The following ANKRD18B variants were observed in gnomAD, a reference collection of about 807,000 sequenced individuals.
The protein encoded by ANKRD18B is ankyrin repeat domain-containing protein 18B.
In ANKRD18B, 75 loss-of-function variants were observed where a neutral mutation model predicts 111.8. That is an observed-to-expected ratio of 0.67 (90% CI 0.56 to 0.81). ANKRD18B has a LOEUF of 0.81. Among genes scored for constraint, ANKRD18B ranks in the 40% least tolerant of loss-of-function variants. The probability of loss-of-function intolerance (pLI) is 0.00; values close to 1 mark genes in which losing one functional copy is unlikely to be tolerated. For missense variants in ANKRD18B, 1,038 were observed against 1,225.5 expected (o/e 0.85, Z 2.28); for synonymous variants, 356 against 417.3 (o/e 0.85, Z 1.79).
Position 33,566,198 on chromosome 9 carries a change from T to C in ANKRD18B, c.2461-21T>C, listed in dbSNP as rs1215348819. On this transcript the variant is annotated intron_variant, in intron 14 of 18. Coordinates refer to ENST00000684830, the MANE Select transcript of ANKRD18B (RefSeq NM_001393611.1). ...TTCTCAGCCTACTTCATTATCAAGC[T>C]CTATTATTTTATTAATGCAGTTTGA... is the stretch of plus-strand genomic sequence containing the variant. The C allele has an allele frequency of 5.9e-6, 9 of 1,532,288 alleles. No individual in the cohort carries two copies. In the South Asian group the frequency reaches 1.0e-4, roughly 17 times the overall value. The allele number at this position is 1,532,288 out of a possible 1,614,324, so 94.9% of individuals were successfully genotyped here. A position where few individuals can be genotyped will look rare whatever the true frequency, so the allele number is the denominator to read the frequency against.
intron 16 of ANKRD18B, among the ~76,000 whole-genome samples, chr9:33,567,879 A>G (rs904017789): frequency 2.0e-5 from 3 of 152,374 alleles, no homozygotes; most frequent in Admixed American, 2.0e-4. Flanking sequence ...TAATTATCAC[A>G]GGAATGAAAA....
intron 6 of ANKRD18B, among the ~76,000 whole-genome samples, chr9:33,538,728 C>T (rs1587261858): frequency 6.7e-6 from 1 of 150,016 alleles, no homozygotes; most frequent in East Asian, 2.0e-4. Context: ...AGCAAGATTC[C>T]ATCTCAAAAA....
chr9:33,564,092 A>G (rs1828650189), intron 14 of ANKRD18B, among the ~76,000 whole-genome samples: 1 of 152,132 alleles, frequency 6.6e-6, no homozygotes, highest in South Asian at 2.1e-4. Context: ...CACCCTCCTG[A>G]GCAGCTAGGA....
rs1179366973 is a variant in ANKRD18B at position 33,543,210 on chromosome 9, G to A, written c.1104G>A (p.Glu368=). ...AKEHNLKVAS[E]EKQERLERSE... is the part of the protein sequence containing the mutation. ...AACACAACTTAAAAGTGGCTTCAGA[G>A]GAAAAGCAAGAAAGGCTTGAAAGAA... Residue 368 remains glutamate (E), a synonymous_variant, in exon 10 of 19, where the codon GAG becomes GAA. Coordinates refer to ENST00000684830, the MANE Select transcript of ANKRD18B (RefSeq NM_001393611.1). 7.1e-6 allele frequency: 11 copies of A among 1,552,756 alleles called. No individual in the cohort carries two copies. Among genetic ancestry groups the A allele is most frequent in the East Asian group, 2.4e-5 (1 of 41,138 alleles).
chr9:33,543,089 T>C, intron 9 of ANKRD18B, 96 bp from the exon 10 acceptor site: 1 of 1,139,842 alleles, frequency 8.8e-7, no homozygotes, highest in Non-Finnish European at 1.2e-6. Flanking sequence ...ATTCTCAATT[T>C]ATAAAAGAAA....
At chr9:33,535,535 C>T (rs1828184853) in intron 5 of ANKRD18B, among the ~76,000 whole-genome samples, 1 of 151,632 alleles carries the variant, frequency 6.6e-6, no homozygotes. Flanking sequence ...GATCCACCTG[C>T]CTCGGCCTCC....
At chr9:33,549,296 A>G (rs530481004) in intron 11 of ANKRD18B, among the ~76,000 whole-genome samples, 7 of 152,314 alleles carry the variant, frequency 4.6e-5, no homozygotes, top group African/African-American at 1.2e-4. Flanking sequence ...GCTTGGAAAC[A>G]TGCTTTGTTT....
chr9:33,562,767 T>C (rs1198070492), intron 14 of ANKRD18B, among the ~76,000 whole-genome samples: 3 of 152,240 alleles, frequency 2.0e-5, no homozygotes, highest in Non-Finnish European at 4.4e-5. Flanking sequence ...GTGTTTATTT[T>C]ACTTCTGTGA....
rs369572553 is a variant in ANKRD18B, at chr9:33,556,324, C to T, written c.2330+504C>T. Among the ~76,000 whole-genome samples the T allele has an allele frequency of 1.4e-4, 21 of 151,606 alleles. 1 individual carries two copies. The South Asian group carries it at 2.9e-3, about 21-fold the overall frequency. Reference sequence around the variant, plus strand: ...TGTCACCCAGGCTGGAGTGCAATGACGTGATCTTGGCTCACTGCAACCTCT... The same window carrying T: ...TGTCACCCAGGCTGGAGTGCAATGATGTGATCTTGGCTCACTGCAACCTCT... On this transcript the variant is annotated intron_variant, in intron 13 of 18. Transcript: ENST00000684830.
intron 10 of ANKRD18B, 75 bp downstream of exon 10, chr9:33,543,330 G>T: frequency 1.6e-6 from 2 of 1,247,624 alleles, no homozygotes; most frequent in East Asian, 2.6e-5. Context: ...TAGTCCAAAT[G>T]AAGTGACCTT....
intron 15 of ANKRD18B, 70 bp from the exon 16 acceptor site, chr9:33,567,033 T>C (rs1374516438): frequency 6.8e-5 from 98 of 1,434,646 alleles, no homozygotes; most frequent in Non-Finnish European, 8.8e-5. Flanking sequence ...TGATTCAAAA[T>C]GAAAGGCAAC....
At chr9:33,548,999 A>G in intron 11 of ANKRD18B, 144 bp downstream of exon 11, 1 of 948,874 alleles carries the variant, frequency 1.1e-6, no homozygotes, top group South Asian at 2.2e-5. Context: ...TGAATCATCC[A>G]GGAAATACAT....
chr9:33,550,683 A>G (rs1240059651), intron 12 of ANKRD18B, 104 bp downstream of exon 12: 7 of 1,164,006 alleles, frequency 6.0e-6, no homozygotes, highest in Non-Finnish European at 7.9e-6. Flanking sequence ...TTGATTTTGT[A>G]TTTTCATTAT....
intron 3 of ANKRD18B, among the ~76,000 whole-genome samples, chr9:33,530,690 C>T (rs1171911021): frequency 6.6e-6 from 1 of 152,132 alleles, no homozygotes; most frequent in Non-Finnish European, 1.5e-5. Flanking sequence ...TTCTCTTTTC[C>T]AATAACATTA....
In ANKRD18B at chr9:33,524,680, G is replaced by A; in HGVS notation, c.191G>A (p.Arg64His). ...CGCAGGTTCCGGGACTTGGACGTCC[G>A]CGACAGAAAAGACAGGTAGCGGGGG... The part of the protein sequence containing the change: ...LTRRFRDLDV[R>H]DRKDRTVLHL... The change falls in exon 1 of 19, where the codon CGC (arginine) becomes CAC (histidine). Residue 64 changes from arginine to histidine, a missense_variant. Coordinates refer to ENST00000684830, the MANE Select transcript of ANKRD18B (RefSeq NM_001393611.1). 6.5e-7 allele frequency: 1 copy of A among 1,550,322 alleles called. No homozygotes were observed. The highest frequency in any genetic ancestry group is 8.7e-7 in the Non-Finnish European group (1 of 1,146,550).
chr9:33,550,543 G>A lies in ANKRD18B; in HGVS notation c.2181G>A (p.Trp727Ter). Residue 727 changes from tryptophan to a stop codon, truncating the protein, a stop_gained, in exon 12 of 19, where the codon TGG becomes TGA. Transcript: ENST00000684830. LOFTEE classifies it high-confidence loss of function. ...SHCHINLDET[W>*]TSKKKLFQVE... ...GTCATATTAATTTGGATGAGACATG[G>A]ACTTCAAAGAAGAAATTATTTCAAG... 1 of 1,539,096 alleles carries A rather than the reference G, an allele frequency of 6.5e-7. No individual in the cohort carries two copies. Among genetic ancestry groups the A allele is most frequent in the Non-Finnish European group, 8.8e-7 (1 of 1,142,856 alleles).
In ANKRD18B at chr9:33,557,939, A is replaced by G. The variant is rs2118097875; in HGVS notation, c.2331-119A>G. 3 of 928,476 alleles carry G rather than the reference A, an allele frequency of 3.2e-6. No individual in the cohort carries two copies. In the East Asian group the frequency reaches 8.3e-5, roughly 26 times the overall value. 57.5% of individuals were successfully genotyped at this position (928,476 alleles called of 1,614,324 possible). Reference sequence around the variant, plus strand: ...TTCAAACTATGTTCAGTTGAAACTGAGAGGATCATAGTTTATAGATTTGTT... The same window carrying G: ...TTCAAACTATGTTCAGTTGAAACTGGGAGGATCATAGTTTATAGATTTGTT... On this transcript the variant is annotated intron_variant, in intron 13 of 18. Transcript: ENST00000684830.
chr9:33,569,308 A>T (rs1184916746), intron 17 of ANKRD18B, among the ~76,000 whole-genome samples: 1 of 124,538 alleles, frequency 8.0e-6, no homozygotes, highest in African/African-American at 3.2e-5. Flanking sequence ...TCTGTTGCCT[A>T]GGCTAGAGTG....
intron 17 of ANKRD18B, chr9:33,569,158 G>T (rs1828731502): frequency 3.5e-6 from 1 of 283,374 alleles, no homozygotes. Flanking sequence ...AGCTGCATTT[G>T]TTAGGTTTTA....
Sources: gnomAD v4.1 joint callset for allele counts (sites outside exome capture counted in the v4.1 genomes callset) on GRCh38, gnomAD v4.1.1 for gene constraint, MANE v1.5 for transcripts, NCBI Gene and HGNC (gene_info 2026-07-23, HGNC 2026-07-21) for gene names.